Variants in DOCK1 observed in about 807,000 individuals in gnomAD.
DOCK1 encodes dedicator of cytokinesis 1.
In DOCK1, 138 loss-of-function variants were observed where a neutral mutation model predicts 262.7. That is an observed-to-expected ratio of 0.53 (90% CI 0.46 to 0.61). The LOEUF is 0.61. DOCK1 is among the 20% of genes least tolerant of loss of function. DOCK1 has a pLI of 0.00. For missense variants in DOCK1, 1,908 were observed against 2,370.7 expected (o/e 0.80, Z 4.05); for synonymous variants, 866 against 867.4 (o/e 1.00, Z 0.03).
chr10:127,394,838 C>G (rs989781356), intron 38 of DOCK1, among the ~76,000 whole-genome samples: 1 of 152,082 alleles, frequency 6.6e-6, no homozygotes, highest in Admixed American at 6.5e-5. Context: ...CACCTCGAGG[C>G]GATTCTAGCA....
At chr10:126,905,711 C>T (rs2030617110) in intron 1 of DOCK1, 148 bp downstream of exon 1, 1 of 148,092 alleles carries the variant, frequency 6.8e-6, no homozygotes, top group South Asian at 1.9e-4. Flanking sequence ...GCCCCGCTCG[C>T]AATGCCCGGC....
intron 35 of DOCK1, among the ~76,000 whole-genome samples, chr10:127,378,662 A>G (rs1470877418): frequency 6.6e-6 from 1 of 152,228 alleles, no homozygotes; most frequent in Non-Finnish European, 1.5e-5. Flanking sequence ...GTAAAGAAAA[A>G]TGATCAAAAC....
At chr10:127,296,795 A>G (rs1159183220) in intron 29 of DOCK1, among the ~76,000 whole-genome samples, 1 of 152,088 alleles carries the variant, frequency 6.6e-6, no homozygotes, top group Non-Finnish European at 1.5e-5. Context: ...TGCTCTTCAC[A>G]GTTGTGGGGG....
intron 38 of DOCK1, among the ~76,000 whole-genome samples, chr10:127,390,838 A>G (rs543583151): frequency 1.3e-5 from 2 of 152,380 alleles, no homozygotes; most frequent in Admixed American, 1.3e-4. Flanking sequence ...CAATATTACT[A>G]CAATTAATTT....
intron 27 of DOCK1, among the ~76,000 whole-genome samples, chr10:127,235,550 G>T (rs954901060): frequency 6.6e-6 from 1 of 152,132 alleles, no homozygotes; most frequent in Non-Finnish European, 1.5e-5. Context: ...TGTTTGGAGT[G>T]TCCCCTATGT....
At chr10:127,257,542 G>T in intron 29 of DOCK1, 113 bp downstream of exon 29, 1 of 928,664 alleles carries the variant, frequency 1.1e-6, no homozygotes, top group Non-Finnish European at 1.7e-6. Flanking sequence ...CTCTGCAAAC[G>T]CTGTTCCTAA....
chr10:127,020,137 C>T (rs746184807), intron 13 of DOCK1, among the ~76,000 whole-genome samples: 14 of 152,086 alleles, frequency 9.2e-5, no homozygotes, highest in Non-Finnish European at 1.8e-4. Context: ...AAAAGCATGA[C>T]GTTTAGTCAA....
intron 46 of DOCK1, among the ~76,000 whole-genome samples, chr10:127,420,479 C>T (rs1565078239): frequency 6.6e-6 from 1 of 152,136 alleles, no homozygotes; most frequent in Non-Finnish European, 1.5e-5. Flanking sequence ...TTCCTTTTCA[C>T]ATGTGGGAGG....
At chr10:127,372,821 CATCT>C (rs1001812242) in intron 33 of DOCK1, among the ~76,000 whole-genome samples, 5 of 152,164 alleles carry the variant, frequency 3.3e-5, no homozygotes, top group Non-Finnish European at 7.3e-5. Flanking sequence ...TTCCTTTGTC[CATCT>C]TCCTTCAGTT....
At chr10:127,174,208 A>C (rs549599827) in intron 27 of DOCK1, among the ~76,000 whole-genome samples, 43 of 152,316 alleles carry the variant, frequency 2.8e-4, no homozygotes, top group Middle Eastern at 6.8e-3. Flanking sequence ...GGGCTCGCAG[A>C]GTGAAGGGTG....
rs146327933 is a variant in DOCK1 at position 127,437,358 on chromosome 10, G to T, written c.5061-1669G>T. On this transcript the variant is annotated intron_variant, in intron 48 of 51. Coordinates refer to ENST00000623213, the MANE Select transcript of DOCK1 (RefSeq NM_001290223.2). The surrounding 1 kb of genome is among the most constrained non-coding windows in gnomAD (Gnocchi z 4.4). ...GTCTGCATCTTCAGCAGATTTAAGC[G>T]CAGTTTTGCAAATGATCCTTCCCTT... 1.8e-3 allele frequency among the ~76,000 whole-genome samples: 279 copies of T among 152,274 alleles called. No individual in the cohort carries two copies. Among genetic ancestry groups the T allele is most frequent in the African/African-American group, 6.4e-3 (265 of 41,558 alleles).
At chr10:126,914,443 G>A (rs2032227495) in intron 1 of DOCK1, among the ~76,000 whole-genome samples, 1 of 152,012 alleles carries the variant, frequency 6.6e-6, no homozygotes, top group Non-Finnish European at 1.5e-5. Flanking sequence ...TGGTCTACTG[G>A]CCAGACCAGA....
intron 27 of DOCK1, 111 bp from the exon 28 acceptor site, chr10:127,247,897 G>GC: frequency 1.0e-6 from 1 of 989,908 alleles, no homozygotes; most frequent in Non-Finnish European, 1.5e-6. Flanking sequence ...CCCTGCCCAT[G>GC]CCCCGTTGCT....
At chr10:127,305,679 G>A (rs1473975692) in intron 29 of DOCK1, among the ~76,000 whole-genome samples, 1 of 152,208 alleles carries the variant, frequency 6.6e-6, no homozygotes, top group Non-Finnish European at 1.5e-5. Flanking sequence ...GGAACATCGT[G>A]TTGGGTTCAT....
intron 27 of DOCK1, among the ~76,000 whole-genome samples, chr10:127,181,340 T>A (rs2055715424): frequency 6.6e-6 from 1 of 152,212 alleles, no homozygotes; most frequent in Non-Finnish European, 1.5e-5. Context: ...GGCAATTTTG[T>A]GGGGTTCCAT....
At chr10:126,998,850 A>C (rs953388845) in intron 8 of DOCK1, 2 of 157,584 alleles carry the variant, frequency 1.3e-5, no homozygotes, top group African/African-American at 4.8e-5. Flanking sequence ...GTGTCTGTGT[A>C]TATGTTAAAA....
chr10:127,213,248 G>A (rs977484824), intron 27 of DOCK1, among the ~76,000 whole-genome samples: 1 of 152,176 alleles, frequency 6.6e-6, no homozygotes, highest in African/African-American at 2.4e-5. Context: ...TTAAGTGTGG[G>A]CATCAGTGTA....
At chr10:127,345,679 G>A (rs918209953) in intron 31 of DOCK1, among the ~76,000 whole-genome samples, 2 of 152,214 alleles carry the variant, frequency 1.3e-5, no homozygotes, top group African/African-American at 2.4e-5. Flanking sequence ...GCGGCACGCA[G>A]CAGCTGCAGC....
At chr10:127,378,492 GTTTTATATAGAAAT>G (rs2065646707) in intron 35 of DOCK1, among the ~76,000 whole-genome samples, 1 of 152,098 alleles carries the variant, frequency 6.6e-6, no homozygotes, top group Non-Finnish European at 1.5e-5. Context: ...AAACACAAAG[GTTTTATATAGAAAT>G]TGGGATTGGA....
Sources: allele counts gnomAD v4.1 joint callset (sites outside exome capture counted in the v4.1 genomes callset), GRCh38; gene constraint gnomAD v4.1.1; non-coding constraint Gnocchi (gnomAD v3.1); transcripts MANE v1.5; gene names NCBI Gene and HGNC (gene_info 2026-07-23, HGNC 2026-07-21).